Variants in CD109 observed in about 807,000 individuals in gnomAD.
The protein encoded by CD109 is CD109 molecule.
A neutral mutation model predicts 165.8 loss-of-function variants in CD109; 149 were observed. The observed-to-expected ratio is 0.90, with a 90% CI of 0.79 to 1.03. The LOEUF (loss-of-function observed/expected upper bound fraction) is 1.03, where lower values mean the gene tolerates loss of function less well. CD109 is among the 50% of genes least tolerant of loss of function. CD109 has a pLI of 0.00. For synonymous variants in CD109, 585 were observed against 592.1 expected, an observed-to-expected ratio of 0.99 and a Z score of 0.18; for missense variants, 1,712 against 1,677.8, an observed-to-expected ratio of 1.02 and a Z score of -0.36.
At chr6:73,748,862 T>C (rs1773080034) in intron 5 of CD109, among the ~76,000 whole-genome samples, 1 of 152,232 alleles carries the variant, frequency 6.6e-6, no homozygotes, top group Non-Finnish European at 1.5e-5. Flanking sequence ...GCAAACCCTA[T>C]TGACTCTGTC....
chr6:73,681,912 G>A, the CD109 span, among the ~76,000 whole-genome samples: 113 of 152,030 alleles, frequency 7.4e-4, no homozygotes, highest in African/African-American at 2.4e-3. Flanking sequence ...TGGAAATTCC[G>A]ATTTTAAAAA....
chr6:73,720,890 C>G (rs766854474), intron 2 of CD109, among the ~76,000 whole-genome samples: 4 of 152,156 alleles, frequency 2.6e-5, no homozygotes, highest in Admixed American at 6.5e-5. Flanking sequence ...TCACCCAGCT[C>G]TTTGGTTTGG....
intron 15 of CD109, among the ~76,000 whole-genome samples, chr6:73,774,005 T>G (rs571173193): frequency 6.6e-6 from 1 of 152,238 alleles, no homozygotes; most frequent in Non-Finnish European, 1.5e-5. Flanking sequence ...ATTAGCTGTA[T>G]TTTAATCTAC....
Position 73,808,097 on chromosome 6 carries a change from G to T in CD109, c.3204G>T (p.Val1068=). ...TTTCTTCCAAGCCTAACATTGATGT[G>T]CAAGAGTCTATCCATTTTTTGGAGT... ...GYRKYQPNID[V]QESIHFLESE... The change falls in exon 26 of 33, where the codon GTG becomes GTT. Residue 1068 remains valine (V), a synonymous_variant. Coordinates refer to ENST00000287097, the MANE Select transcript of CD109 (RefSeq NM_133493.5). 1 of 1,612,972 alleles carries T rather than the reference G, an allele frequency of 6.2e-7. No homozygotes were observed. Among genetic ancestry groups the T allele is most frequent in the Non-Finnish European group, 8.5e-7 (1 of 1,179,412 alleles).
intron 2 of CD109, among the ~76,000 whole-genome samples, chr6:73,707,952 ATTG>A (rs1382158279): frequency 2.9e-5 from 4 of 139,320 alleles, no homozygotes; most frequent in Non-Finnish European, 3.1e-5. Flanking sequence ...TTGATTTAAA[ATTG>A]TTATCTTTAT....
chr6:73,694,743 G>A (rs990009966), upstream of CD109: 4 of 152,232 alleles, frequency 2.6e-5, no homozygotes, highest in African/African-American at 9.6e-5. Flanking sequence ...CATGTGAGAA[G>A]CACTGAGTTA....
intron 5 of CD109, among the ~76,000 whole-genome samples, chr6:73,748,533 A>T (rs1773066711): frequency 1.3e-5 from 2 of 152,164 alleles, no homozygotes; most frequent in African/African-American, 4.8e-5. Context: ...TTTCCACTAG[A>T]TCAGAAGGTC....
chr6:73,703,362 C>T (rs1367212111), intron 2 of CD109, among the ~76,000 whole-genome samples: 1 of 152,208 alleles, frequency 6.6e-6, no homozygotes, highest in Admixed American at 6.5e-5. Flanking sequence ...AATGCCAGCT[C>T]TCCTCTTAAT....
Position 73,814,966 on chromosome 6 carries a change from G to C in CD109, c.3769-15G>C. On this transcript the variant is annotated splice_polypyrimidine_tract_variant and intron_variant, in intron 29 of 32. Coordinates refer to ENST00000287097, the MANE Select transcript of CD109 (RefSeq NM_133493.5). ...TATGTCCAACTTGTTATTTATGCTA[G>C]TTTATTTTTTACAGCTCAATGTTGT... 6.8e-7 allele frequency: 1 copy of C among 1,469,540 alleles called. No individual in the cohort carries two copies. The highest frequency in any genetic ancestry group is 9.0e-7 in the Non-Finnish European group (1 of 1,116,694). The allele number at this position is 1,469,540 out of a possible 1,614,324, so 91.0% of individuals were successfully genotyped here.
the CD109 span, among the ~76,000 whole-genome samples, chr6:73,688,588 G>A: frequency 2.0e-5 from 3 of 152,010 alleles, no homozygotes; most frequent in African/African-American, 7.3e-5. Context: ...GTAGGCTGCT[G>A]GATAGAGGCT....
rs1220368264 is a variant in CD109, at chr6:73,771,566, T to C, written c.1812T>C (p.Asp604=). 1 of 1,576,532 alleles carries C rather than the reference T, an allele frequency of 6.3e-7. No homozygotes were observed. Among genetic ancestry groups the C allele is most frequent in the East Asian group, 2.3e-5 (1 of 43,592 alleles). ...TGAATCTGATGAATGCCTCTAATGA[T>C]ATTACAATGGAAAATGTGAGTTTAG... ...KSVNLMNASN[D]ITMENVVHEL... is the part of the protein sequence containing the mutation. The change falls in exon 15 of 33, where the codon GAT becomes GAC. Residue 604 remains aspartate, a synonymous_variant. Transcript: ENST00000287097.
chr6:73,760,844 C>CAAAAA (rs974656076), intron 7 of CD109, among the ~76,000 whole-genome samples: 3 of 151,296 alleles, frequency 2.0e-5, no homozygotes, highest in African/African-American at 7.3e-5. Flanking sequence ...GACTCTGTCT[C>CAAAAA]AAAAAATAAA....
Position 73,700,790 on chromosome 6 carries a change from G to GTTTTTTTTT in CD109, c.247+3239_247+3247dup, listed in dbSNP as rs58140668. On this transcript the variant is annotated intron_variant, in intron 2 of 32. Transcript: ENST00000287097. ...CTACATTTATTGGGGATTGATTGTA[G>GTTTTTTTTT]TTTTTTTTTTTTTTTTTTTTTTTTT... Among the ~76,000 whole-genome samples, 3 of 51,478 alleles carry GTTTTTTTTT rather than the reference G, an allele frequency of 5.8e-5. 1 individual carries two copies. Among genetic ancestry groups the GTTTTTTTTT allele is most frequent in the African/African-American group, 2.4e-4 (3 of 12,442 alleles). The allele number at this position is 51,478 out of a possible 152,430, so 33.8% of individuals were successfully genotyped here.
At chr6:73,781,908 A>T (rs1336916817) in intron 17 of CD109, among the ~76,000 whole-genome samples, 1 of 152,116 alleles carries the variant, frequency 6.6e-6, no homozygotes, top group Non-Finnish European at 1.5e-5. Context: ...TGCCAAATAG[A>T]GTTGGCTGCC....
chr6:73,737,120 CTT>C (rs1311909327), intron 5 of CD109, among the ~76,000 whole-genome samples: 2 of 152,152 alleles, frequency 1.3e-5, no homozygotes, highest in African/African-American at 4.8e-5. Flanking sequence ...AGCAATGAGA[CTT>C]AACTGTTTTA....
At chr6:73,742,900 A>G (rs565118125) in intron 5 of CD109, among the ~76,000 whole-genome samples, 2 of 152,346 alleles carry the variant, frequency 1.3e-5, no homozygotes, top group East Asian at 1.9e-4. Context: ...TAAGCACTCA[A>G]GGAAATTCTA....
intron 7 of CD109, among the ~76,000 whole-genome samples, chr6:73,759,543 C>T (rs1399244637): frequency 6.6e-5 from 10 of 152,082 alleles, no homozygotes; most frequent in Admixed American, 4.6e-4. Context: ...AAATGCTTCC[C>T]GGTTCTATTT....
chr6:73,781,816 GAC>G (rs796262663), intron 17 of CD109, among the ~76,000 whole-genome samples: 10 of 62,824 alleles, frequency 1.6e-4, no homozygotes, highest in South Asian at 4.0e-4. Context: ...CACACACGCA[GAC>G]ACACACACAC....
In CD109 at chr6:73,756,721, T is replaced by C. The variant is rs1398407114; in HGVS notation, c.673+39T>C. The C allele has an allele frequency of 2.9e-6, 4 of 1,392,534 alleles. No homozygotes were observed. In the East Asian group the frequency reaches 7.5e-5, roughly 26 times the overall value. The allele number at this position is 1,392,534 out of a possible 1,614,324, so 86.3% of individuals were successfully genotyped here. A position where few individuals can be genotyped will look rare whatever the true frequency, so the allele number is the denominator to read the frequency against. On this transcript the variant is annotated intron_variant, in intron 6 of 32. Coordinates refer to ENST00000287097, the MANE Select transcript of CD109 (RefSeq NM_133493.5). ...AATCTATTTTGGAAGAAAAAAACAT[T>C]TGTTACTTTCAGCAGAGATTAGAGA...
Sources: allele counts gnomAD v4.1 joint callset (sites outside exome capture counted in the v4.1 genomes callset), GRCh38; gene constraint gnomAD v4.1.1; transcripts MANE v1.5; gene names NCBI Gene and HGNC (gene_info 2026-07-23, HGNC 2026-07-21).